Variants in ADAMTS14 observed in about 807,000 individuals in gnomAD.
ADAMTS14 encodes the protein ADAM metallopeptidase with thrombospondin type 1 motif 14.
A neutral mutation model predicts 128.6 loss-of-function variants in ADAMTS14; 100 were observed. That is an observed-to-expected ratio of 0.78 (90% CI 0.66 to 0.92). The LOEUF (loss-of-function observed/expected upper bound fraction) is 0.92. ADAMTS14 is among the 40% of genes least tolerant of loss of function. ADAMTS14 has a pLI of 0.00. For missense variants in ADAMTS14, 1,562 were observed against 1,658.6 expected (o/e 0.94, Z 1.01); for synonymous variants, 665 against 653.8 (o/e 1.02, Z -0.26).
chr10:70,752,255 G>A (rs905950403), intron 18 of ADAMTS14, 28 bp downstream of exon 18: 2 of 1,611,596 alleles, frequency 1.2e-6, no homozygotes, highest in South Asian at 2.2e-5. Flanking sequence ...GGGACGGGGA[G>A]TCTGGTTCTA....
intron 19 of ADAMTS14, among the ~76,000 whole-genome samples, chr10:70,755,981 T>C (rs1391004685): frequency 2.0e-5 from 3 of 152,268 alleles, no homozygotes; most frequent in African/African-American, 7.2e-5. Context: ...CAAATGTTTA[T>C]CTATAGAAGA....
At chr10:70,760,301 A>C (rs1292744775) in intron 21 of ADAMTS14, 59 bp from the exon 22 acceptor site, 2 of 1,502,828 alleles carry the variant, frequency 1.3e-6, no homozygotes, top group Non-Finnish European at 1.8e-6. Flanking sequence ...AGGGGGGGCC[A>C]CCTGACTGAC....
intron 4 of ADAMTS14, among the ~76,000 whole-genome samples, chr10:70,726,498 G>C (rs1299518078): frequency 1.3e-5 from 2 of 152,176 alleles, no homozygotes; most frequent in Non-Finnish European, 2.9e-5. Context: ...ATAACTGATG[G>C]GTTTACATGA....
At chr10:70,751,866 G>A (rs1445373407) in intron 17 of ADAMTS14, among the ~76,000 whole-genome samples, 1 of 152,220 alleles carries the variant, frequency 6.6e-6, no homozygotes, top group East Asian at 1.9e-4. Context: ...TACCCTAAAA[G>A]AGCTCACCCA....
chr10:70,753,422 G>A (rs148329306), intron 18 of ADAMTS14, among the ~76,000 whole-genome samples: 323 of 152,282 alleles, frequency 2.1e-3, no homozygotes, highest in African/African-American at 7.5e-3. Flanking sequence ...GTGCCCTGAC[G>A]CTTCTCAGCA....
At chr10:70,732,177 C>A in intron 6 of ADAMTS14, 77 bp from the exon 7 acceptor site, 1 of 1,270,018 alleles carries the variant, frequency 7.9e-7, no homozygotes, top group Non-Finnish European at 1.1e-6. Context: ...GAGGGCTGGG[C>A]TGGGCACAGA....
chr10:70,697,107 C>T (rs1840351992), intron 2 of ADAMTS14, among the ~76,000 whole-genome samples: 1 of 152,216 alleles, frequency 6.6e-6, no homozygotes, highest in Non-Finnish European at 1.5e-5. Context: ...ATGCACTCTC[C>T]TTGGGAGGTG....
chr10:70,732,458 C>T (rs1244711905), intron 7 of ADAMTS14, 99 bp downstream of exon 7: 1 of 1,049,054 alleles, frequency 9.5e-7, no homozygotes, highest in South Asian at 1.5e-5. Flanking sequence ...GGCCTGGTTC[C>T]AGTGTCCTGG....
intron 3 of ADAMTS14, 151 bp downstream of exon 3, chr10:70,702,619 G>A (rs1194631460): frequency 9.2e-7 from 1 of 1,092,886 alleles, no homozygotes; most frequent in Non-Finnish European, 1.3e-6. Flanking sequence ...TACTGGCAGA[G>A]AAACCCCATT....
intron 4 of ADAMTS14, among the ~76,000 whole-genome samples, chr10:70,711,927 C>T (rs543853598): frequency 1.4e-4 from 21 of 152,254 alleles, no homozygotes; most frequent in African/African-American, 3.9e-4. Flanking sequence ...GCCCAGGGAG[C>T]GGGTGGGGGG....
At chr10:70,707,250 G>T (rs1204006217) in intron 3 of ADAMTS14, among the ~76,000 whole-genome samples, 1 of 152,240 alleles carries the variant, frequency 6.6e-6, no homozygotes, top group Non-Finnish European at 1.5e-5. Flanking sequence ...CCATTGACTA[G>T]TATGGGGCCC....
intron 3 of ADAMTS14, among the ~76,000 whole-genome samples, chr10:70,708,125 G>A (rs955748423): frequency 6.6e-6 from 1 of 152,148 alleles, no homozygotes; most frequent in African/African-American, 2.4e-5. Context: ...GGAGTATCCC[G>A]GAGTTCCTCA....
chr10:70,723,620 G>A (rs1408947792), intron 4 of ADAMTS14, among the ~76,000 whole-genome samples: 4 of 152,250 alleles, frequency 2.6e-5, no homozygotes, highest in Admixed American at 2.0e-4. Context: ...CTTGTGGGCT[G>A]TGCCAGCCAT....
intron 4 of ADAMTS14, among the ~76,000 whole-genome samples, chr10:70,728,536 G>A (rs544376338): frequency 6.6e-6 from 1 of 152,364 alleles, no homozygotes; most frequent in East Asian, 1.9e-4. Flanking sequence ...ACAAGCAGAG[G>A]CTGAGTGTCC....
chr10:70,714,712 C>A (rs1345160836), intron 4 of ADAMTS14, among the ~76,000 whole-genome samples: 3 of 152,084 alleles, frequency 2.0e-5, no homozygotes, highest in Non-Finnish European at 2.9e-5. Flanking sequence ...CTTTGGGAGG[C>A]TGAGGCAGGT....
At chr10:70,734,172 C>A in intron 8 of ADAMTS14, 144 bp downstream of exon 8, 2 of 1,079,948 alleles carry the variant, frequency 1.9e-6, no homozygotes, top group Non-Finnish European at 2.6e-6. Context: ...CCAAACCTGG[C>A]CTAAAACATA....
chr10:70,737,766 C>T (rs918076412), intron 10 of ADAMTS14, among the ~76,000 whole-genome samples: 7 of 152,200 alleles, frequency 4.6e-5, no homozygotes, highest in Admixed American at 6.5e-5. Context: ...CACAGTTTCA[C>T]GAGACAGTTC....
rs144956824 is a variant in ADAMTS14, at chr10:70,674,989, C to T, written c.516C>T (p.Asp172=). The change falls in exon 2 of 22, where the codon GAC becomes GAT. Residue 172 remains aspartate (D), a synonymous_variant. Transcript: ENST00000373207. ...PGAAVAISNC[D]GLAGLIRTDS... ...CAGCTGTTGCCATCAGCAACTGTGA[C>T]GGATTGGTAAGGGATGAGACTTTCA... The T allele has an allele frequency of 1.2e-3, 1,977 of 1,611,926 alleles. 11 individuals carry two copies. The African/African-American group carries it at 0.018, about 15-fold the overall frequency.
At chr10:70,691,578 C>G (rs975247146) in intron 2 of ADAMTS14, among the ~76,000 whole-genome samples, 2 of 106,372 alleles carry the variant, frequency 1.9e-5, no homozygotes, top group Admixed American at 9.2e-5. Flanking sequence ...TGCTGGAGGA[C>G]AGCCAGTCAT....
Sources: gnomAD v4.1 joint callset for allele counts (sites outside exome capture counted in the v4.1 genomes callset) on GRCh38, gnomAD v4.1.1 for gene constraint, MANE v1.5 for transcripts, NCBI Gene and HGNC (gene_info 2026-07-23, HGNC 2026-07-21) for gene names.